COL8A1: variants seen among roughly 807,000 people sequenced by gnomAD.
The protein encoded by COL8A1 is collagen alpha-1(VIII) chain.
COL8A1 carries 21 observed loss-of-function variants against 42.7 expected under a neutral mutation model. That is an observed-to-expected ratio of 0.49 (90% CI 0.35 to 0.71). COL8A1 has a LOEUF of 0.71. Among genes scored for constraint, COL8A1 ranks in the 30% least tolerant of loss-of-function variants. The probability of loss-of-function intolerance (pLI) is 0.01; values close to 1 mark genes in which losing one functional copy is unlikely to be tolerated. For missense variants in COL8A1, 788 were observed against 962.4 expected (o/e 0.82, Z 2.40); for synonymous variants, 367 against 369.1 (o/e 0.99, Z 0.06).
chr3:99,659,880 C>T (rs193159723), intron 1 of COL8A1, among the ~76,000 whole-genome samples: 1 of 152,280 alleles, frequency 6.6e-6, no homozygotes, highest in Non-Finnish European at 1.5e-5. Context: ...CAGCGTACTG[C>T]ACCTTAAATT....
intron 2 of COL8A1, among the ~76,000 whole-genome samples, chr3:99,784,790 T>C (rs1467028131): frequency 6.6e-6 from 1 of 152,172 alleles, no homozygotes; most frequent in Non-Finnish European, 1.5e-5. Context: ...CATGACTACA[T>C]AGTACCTGGG....
At chr3:99,732,710 T>A (rs750690118) in intron 1 of COL8A1, among the ~76,000 whole-genome samples, 13 of 152,058 alleles carry the variant, frequency 8.5e-5, no homozygotes, top group Non-Finnish European at 1.6e-4. Flanking sequence ...TGTCCTCACA[T>A]TTCAAAACAC....
Position 99,712,206 on chromosome 3 carries a change from T to G in COL8A1, c.-128-32691T>G, listed in dbSNP as rs138083817. On this transcript the variant is annotated intron_variant, in intron 1 of 3. Coordinates refer to ENST00000652472, the MANE Select transcript of COL8A1 (RefSeq NM_020351.4). ...CCAACAACCATGAAAAGAAACTTAG[T>G]TATTTGTGACGGTTCAAGTGGTACT... Among the ~76,000 whole-genome samples, 630 of 152,252 alleles carry G rather than the reference T, an allele frequency of 4.1e-3. 2 individuals carry two copies. The highest frequency in any genetic ancestry group is 5.5e-3 in the Non-Finnish European group (377 of 68,014).
intron 2 of COL8A1, among the ~76,000 whole-genome samples, chr3:99,762,233 A>G (rs1941378375): frequency 6.6e-6 from 1 of 152,184 alleles, no homozygotes; most frequent in Non-Finnish European, 1.5e-5. Context: ...GAGCACTTTG[A>G]TACCAACAAA....
intron 2 of COL8A1, among the ~76,000 whole-genome samples, chr3:99,788,573 A>T (rs923713153): frequency 6.6e-6 from 1 of 152,250 alleles, no homozygotes; most frequent in Non-Finnish European, 1.5e-5. Context: ...TCTGGTATGG[A>T]TTAACACTTT....
chr3:99,749,171 A>G (rs1188378330), intron 2 of COL8A1, among the ~76,000 whole-genome samples: 1 of 152,022 alleles, frequency 6.6e-6, no homozygotes, highest in Non-Finnish European at 1.5e-5. Context: ...AAGAAAAAAT[A>G]TGTATAGTAA....
intron 1 of COL8A1, among the ~76,000 whole-genome samples, chr3:99,654,843 A>G (rs1576415303): frequency 6.6e-6 from 1 of 152,254 alleles, no homozygotes; most frequent in Non-Finnish European, 1.5e-5. Context: ...AGTGGAAGAT[A>G]TTTTAGTTCA....
At chr3:99,686,736 G>A (rs116088676) in intron 1 of COL8A1, among the ~76,000 whole-genome samples, 7 of 152,208 alleles carry the variant, frequency 4.6e-5, no homozygotes, top group Non-Finnish European at 7.4e-5. Context: ...ACCCAGTGGC[G>A]TGATCACAGC....
chr3:99,664,518 C>T (rs1938304359), intron 1 of COL8A1, among the ~76,000 whole-genome samples: 1 of 152,000 alleles, frequency 6.6e-6, no homozygotes, highest in African/African-American at 2.4e-5. Flanking sequence ...ACTTCAACCT[C>T]AAATTCAATG....
intron 1 of COL8A1, among the ~76,000 whole-genome samples, chr3:99,658,921 G>A (rs1378449276): frequency 6.6e-6 from 1 of 152,086 alleles, no homozygotes. Flanking sequence ...GTAGTCTAAG[G>A]ACTACCTGCG....
chr3:99,774,733 C>T lies in COL8A1; in HGVS notation c.-3-15947C>T, dbSNP rs560380032. ...AGCAGTGAACTCCTCAGCTAGGCAA[C>T]GCCTCTAGACTGTGAGTCATTCCAG... is the stretch of plus-strand genomic sequence containing the variant. On this transcript the variant is annotated intron_variant, in intron 2 of 3. Coordinates refer to ENST00000652472, the MANE Select transcript of COL8A1 (RefSeq NM_020351.4). Among the ~76,000 whole-genome samples the T allele has an allele frequency of 6.6e-5, 10 of 152,300 alleles. No homozygotes were observed. The East Asian group carries it at 1.5e-3, about 24-fold the overall frequency.
chr3:99,697,017 C>T lies in COL8A1; in HGVS notation c.-128-47880C>T, dbSNP rs1057257025. 1.1e-4 allele frequency among the ~76,000 whole-genome samples: 14 copies of T among 123,354 alleles called. No individual in the cohort carries two copies. The East Asian group carries it at 1.6e-3, about 14-fold the overall frequency. 80.9% of individuals were successfully genotyped at this position (123,354 alleles called of 152,430 possible). On this transcript the variant is annotated intron_variant, in intron 1 of 3. Coordinates refer to ENST00000652472, the MANE Select transcript of COL8A1 (RefSeq NM_020351.4). ...TTTTTTTTTTTTTGAGACGGAGTCT[C>T]GCTCTGTCGCCCAGGCTGGAGTGCA...
chr3:99,725,903 G>C (rs1342378841), intron 1 of COL8A1, among the ~76,000 whole-genome samples: 1 of 152,102 alleles, frequency 6.6e-6, no homozygotes, highest in African/African-American at 2.4e-5. Context: ...ATAGCAGCAT[G>C]ATTTATAATC....
Position 99,795,293 on chromosome 3 carries a change from T to C in COL8A1, c.1392T>C (p.Ala464=). 1 of 1,611,048 alleles carries C rather than the reference T, an allele frequency of 6.2e-7. No homozygotes were observed. The highest frequency in any genetic ancestry group is 8.5e-7 in the Non-Finnish European group (1 of 1,178,668). The change falls in exon 4 of 4, where the codon GCT becomes GCC. Residue 464 remains alanine, a synonymous_variant. Transcript: ENST00000652472. The part of the protein sequence containing the change: ...LPGPIGPKGE[A]GQKGVPGLPG... ...GTCCCATAGGGCCCAAGGGGGAAGC[T>C]GGGCAAAAAGGTGTACCAGGACTCC... is the stretch of plus-strand genomic sequence containing the variant.
chr3:99,646,379 T>A (rs1937640796), intron 1 of COL8A1, among the ~76,000 whole-genome samples: 1 of 152,184 alleles, frequency 6.6e-6, no homozygotes, highest in Non-Finnish European at 1.5e-5. Context: ...AAATCTTCAG[T>A]GTTTTAATTT....
chr3:99,710,130 T>G (rs1406125751), intron 1 of COL8A1, among the ~76,000 whole-genome samples: 2 of 152,318 alleles, frequency 1.3e-5, no homozygotes, highest in East Asian at 3.9e-4. Context: ...CTAAAAAGGC[T>G]GTATCGCTGA....
At chr3:99,739,264 C>A (rs1940829347) in intron 1 of COL8A1, among the ~76,000 whole-genome samples, 1 of 152,180 alleles carries the variant, frequency 6.6e-6, no homozygotes, top group Non-Finnish European at 1.5e-5. Flanking sequence ...CAGCTTCTTT[C>A]ATGACTGGCA....
rs560868181 is a variant in COL8A1, at chr3:99,689,439, T to C, written c.-129+50775T>C. 1.3e-3 allele frequency among the ~76,000 whole-genome samples: 204 copies of C among 152,294 alleles called. 1 individual carries two copies. Among genetic ancestry groups the C allele is most frequent in the Non-Finnish European group, 2.1e-3 (144 of 68,024 alleles). ...CATTATTTCCATTATACTGTGATTG[T>C]TCTCAGGCACAGAGGTGATAGCATC... On this transcript the variant is annotated intron_variant, in intron 1 of 3. Transcript: ENST00000652472.
intron 1 of COL8A1, among the ~76,000 whole-genome samples, chr3:99,732,737 CA>C (rs1286367167): frequency 6.6e-6 from 1 of 152,130 alleles, no homozygotes; most frequent in Non-Finnish European, 1.5e-5. Flanking sequence ...GCCTTCCCAA[CA>C]GTCTCCCAAA....
Sources: gnomAD v4.1 joint callset for allele counts (sites outside exome capture counted in the v4.1 genomes callset) on GRCh38, gnomAD v4.1.1 for gene constraint, MANE v1.5 for transcripts, NCBI Gene and HGNC (gene_info 2026-07-23, HGNC 2026-07-21) for gene names.